Variants in SLC16A10 observed in about 807,000 individuals in gnomAD.
SLC16A10 encodes solute carrier family 16 member 10.
A neutral mutation model predicts 40.0 loss-of-function variants in SLC16A10; 27 were observed. That is an observed-to-expected ratio of 0.67 (90% confidence interval 0.50 to 0.93). The LOEUF is 0.93. Among genes scored for constraint, SLC16A10 ranks in the 40% least tolerant of loss-of-function variants. The probability of loss-of-function intolerance (pLI) is 0.00; values close to 1 mark genes in which losing one functional copy is unlikely to be tolerated. For synonymous variants in SLC16A10, 213 were observed against 249.8 expected, an observed-to-expected ratio of 0.85 and a Z score of 1.39; for missense variants, 529 against 658.2, an observed-to-expected ratio of 0.80 and a Z score of 2.15.
chr6:111,169,025 T>A (rs1171554159), intron 1 of SLC16A10, among the ~76,000 whole-genome samples: 1 of 152,070 alleles, frequency 6.6e-6, no homozygotes, highest in Admixed American at 6.5e-5. Flanking sequence ...ATTTAAAGGA[T>A]TCCCCCCAGT....
chr6:111,128,579 C>A lies in SLC16A10; in HGVS notation c.343+40484C>A, dbSNP rs536585901. On this transcript the variant is annotated intron_variant, in intron 1 of 5. Coordinates refer to ENST00000368851, the MANE Select transcript of SLC16A10 (RefSeq NM_018593.5). ...TAATTCCATAACACCACACTCTAAA[C>A]ATTTCTACTGGACGAGTTCCACCTG... Among the ~76,000 whole-genome samples, 170 of 152,296 alleles carry A rather than the reference C, an allele frequency of 1.1e-3. 1 individual carries two copies. Among genetic ancestry groups the A allele is most frequent in the Non-Finnish European group, 1.1e-3 (73 of 68,028 alleles).
chr6:111,143,257 T>A (rs1256312685), intron 1 of SLC16A10, among the ~76,000 whole-genome samples: 3 of 151,994 alleles, frequency 2.0e-5, no homozygotes, highest in Non-Finnish European at 4.4e-5. Flanking sequence ...TTTTTTTTTT[T>A]GAGAGATTGG....
chr6:111,190,088 C>G (rs898635568), intron 3 of SLC16A10, among the ~76,000 whole-genome samples: 4 of 152,164 alleles, frequency 2.6e-5, no homozygotes, highest in African/African-American at 7.2e-5. Flanking sequence ...TTCCTAGATA[C>G]AATAGGGGTA....
chr6:111,167,499 G>T (rs1772497064), intron 1 of SLC16A10, among the ~76,000 whole-genome samples: 1 of 152,144 alleles, frequency 6.6e-6, no homozygotes, highest in African/African-American at 2.4e-5. Flanking sequence ...TTCTGTGGGG[G>T]CATGCTTTGG....
intron 1 of SLC16A10, among the ~76,000 whole-genome samples, chr6:111,138,986 G>A (rs970531241): frequency 1.3e-5 from 2 of 151,606 alleles, no homozygotes; most frequent in Non-Finnish European, 2.9e-5. Context: ...ACAAAGTCTA[G>A]AATATTTATG....
At chr6:111,126,987 C>T (rs922288347) in intron 1 of SLC16A10, among the ~76,000 whole-genome samples, 6 of 152,118 alleles carry the variant, frequency 3.9e-5, no homozygotes, top group African/African-American at 1.4e-4. Context: ...TTTGCACCAA[C>T]CTGATATTTA....
intron 1 of SLC16A10, among the ~76,000 whole-genome samples, chr6:111,131,141 C>T (rs1417220366): frequency 6.6e-6 from 1 of 152,226 alleles, no homozygotes; most frequent in Non-Finnish European, 1.5e-5. Context: ...CGCTCGCTGT[C>T]CACCACTGCT....
At chr6:111,188,345 C>T (rs1399037526) in intron 3 of SLC16A10, among the ~76,000 whole-genome samples, 3 of 151,186 alleles carry the variant, frequency 2.0e-5, no homozygotes, top group African/African-American at 7.3e-5. Flanking sequence ...ATGCAGAATG[C>T]TTTGCTACTT....
At chr6:111,172,657 A>G (rs747813270) in intron 1 of SLC16A10, 38 bp from the exon 2 acceptor site, 4 of 1,598,480 alleles carry the variant, frequency 2.5e-6, no homozygotes, top group Non-Finnish European at 3.4e-6. Context: ...ATAACTTACC[A>G]TGTCATAATT....
chr6:111,191,747 G>A (rs934891829), intron 3 of SLC16A10, among the ~76,000 whole-genome samples: 9 of 152,100 alleles, frequency 5.9e-5, no homozygotes, highest in Non-Finnish European at 1.0e-4. Context: ...TTGTGGTTTT[G>A]ATTTGCATTT....
chr6:111,193,235 G>A (rs1311353540), intron 3 of SLC16A10: 2 of 959,096 alleles, frequency 2.1e-6, no homozygotes, highest in African/African-American at 1.8e-5. Flanking sequence ...TTTCAATGAT[G>A]TCTATGCTTT....
intron 1 of SLC16A10, among the ~76,000 whole-genome samples, chr6:111,144,435 C>T (rs1205317106): frequency 1.3e-5 from 2 of 152,156 alleles, no homozygotes; most frequent in African/African-American, 4.8e-5. Context: ...GATCTCCTGA[C>T]CTCGTGATCT....
At chr6:111,136,314 T>C (rs1049605128) in intron 1 of SLC16A10, among the ~76,000 whole-genome samples, 2 of 152,202 alleles carry the variant, frequency 1.3e-5, no homozygotes, top group Non-Finnish European at 2.9e-5. Flanking sequence ...TTGCAACCCA[T>C]GGCATACCTG....
chr6:111,148,873 C>T (rs749498643), intron 1 of SLC16A10, among the ~76,000 whole-genome samples: 16 of 152,160 alleles, frequency 1.1e-4, no homozygotes, highest in Admixed American at 3.3e-4. Flanking sequence ...TTTGGGAGGC[C>T]GAGGTGGGTG....
chr6:111,151,872 T>C (rs1309810974), intron 1 of SLC16A10, among the ~76,000 whole-genome samples: 1 of 152,200 alleles, frequency 6.6e-6, no homozygotes, highest in African/African-American at 2.4e-5. Flanking sequence ...GAGGAAACAG[T>C]GGTTATTTTT....
intron 1 of SLC16A10, among the ~76,000 whole-genome samples, chr6:111,157,835 C>G (rs1476972826): frequency 6.7e-6 from 1 of 150,098 alleles, no homozygotes; most frequent in African/African-American, 2.5e-5. Context: ...AGAAGAATTC[C>G]AAATAGTTTA....
rs114574986 is a variant in SLC16A10, at chr6:111,132,830, G to A, written c.344-39865G>A. ...GTAATTGAGGGAAAAAACCACAATG[G>A]GTATTTAGTAATTGATAGGGAAACT... On this transcript the variant is annotated intron_variant, in intron 1 of 5. Coordinates refer to ENST00000368851, the MANE Select transcript of SLC16A10 (RefSeq NM_018593.5). Among the ~76,000 whole-genome samples the A allele has an allele frequency of 8.3e-3, 1,257 of 152,152 alleles. 17 individuals are homozygous for A. The highest frequency in any genetic ancestry group is 0.028 in the African/African-American group (1,177 of 41,502).
At chr6:111,091,869 C>G (rs1309331684) in intron 1 of SLC16A10, among the ~76,000 whole-genome samples, 1 of 152,190 alleles carries the variant, frequency 6.6e-6, no homozygotes, top group Non-Finnish European at 1.5e-5. Context: ...TTGTTTTGGG[C>G]TCTGTCCTGG....
chr6:111,162,072 T>A (rs1772381474), intron 1 of SLC16A10, among the ~76,000 whole-genome samples: 1 of 152,242 alleles, frequency 6.6e-6, no homozygotes, highest in South Asian at 2.1e-4. Flanking sequence ...TAGAATTTAA[T>A]GAAAAGTGTA....
Sources: allele counts gnomAD v4.1 joint callset (sites outside exome capture counted in the v4.1 genomes callset), GRCh38; gene constraint gnomAD v4.1.1; transcripts MANE v1.5; gene names NCBI Gene and HGNC (gene_info 2026-07-23, HGNC 2026-07-21).